Variants in ANO4 observed in about 807,000 individuals in gnomAD.
The protein encoded by ANO4 is anoctamin-4.
ANO4 carries 69 observed loss-of-function variants against 141.9 expected under a neutral mutation model. That is an observed-to-expected ratio of 0.49 (90% CI 0.40 to 0.59). ANO4 has a LOEUF of 0.59. Ranked by LOEUF, ANO4 falls within the 20% of genes least tolerant of loss-of-function variation. The pLI is 0.00. For synonymous variants in ANO4, 350 were observed against 394.3 expected (o/e 0.89, Z 1.33); for missense variants, 894 against 1,162.2 (o/e 0.77, Z 3.36).
chr12:101,074,875 T>C (rs1440129957), intron 14 of ANO4, among the ~76,000 whole-genome samples: 2 of 152,198 alleles, frequency 1.3e-5, no homozygotes, highest in Non-Finnish European at 2.9e-5. Flanking sequence ...CAGCATTTCA[T>C]TTATGCATTT....
chr12:101,094,012 G>A (rs1428455874), intron 17 of ANO4, among the ~76,000 whole-genome samples: 1 of 152,104 alleles, frequency 6.6e-6, no homozygotes, highest in Non-Finnish European at 1.5e-5. Flanking sequence ...AATAAGAAGT[G>A]AGATTTTATA....
chr12:100,819,869 G>A (rs1412087659), intron 1 of ANO4, among the ~76,000 whole-genome samples: 3 of 151,634 alleles, frequency 2.0e-5, no homozygotes, highest in African/African-American at 7.3e-5. Flanking sequence ...TCTCTGTTTT[G>A]CTTACTCCAA....
At chr12:101,127,205 C>A in intron 27 of ANO4, 131 bp downstream of exon 27, 4 of 973,230 alleles carry the variant, frequency 4.1e-6, no homozygotes, top group Non-Finnish European at 5.9e-6. Context: ...CTTCCCAATC[C>A]AAAAGAAGCT....
intron 2 of ANO4, among the ~76,000 whole-genome samples, chr12:100,906,739 T>C (rs1745738070): frequency 6.6e-6 from 1 of 152,124 alleles, no homozygotes; most frequent in African/African-American, 2.4e-5. Context: ...TAGAAGATGA[T>C]GTAGTATAAC....
At chr12:101,071,034 A>G (rs936152894) in intron 14 of ANO4, among the ~76,000 whole-genome samples, 1 of 152,130 alleles carries the variant, frequency 6.6e-6, no homozygotes, top group Non-Finnish European at 1.5e-5. Context: ...TCTGGCAGGG[A>G]TGTGGAGAAG....
At chr12:101,004,477 CAAG>C (rs1454361767) in intron 8 of ANO4, among the ~76,000 whole-genome samples, 4 of 152,140 alleles carry the variant, frequency 2.6e-5, no homozygotes, top group Non-Finnish European at 5.9e-5. Flanking sequence ...GGCAGGCAAA[CAAG>C]AAGGACCAAG....
chr12:100,917,481 A>C (rs1185998368), intron 2 of ANO4, among the ~76,000 whole-genome samples: 1 of 152,224 alleles, frequency 6.6e-6, no homozygotes, highest in Non-Finnish European at 1.5e-5. Context: ...ATGAATAACA[A>C]TAAATAAATA....
chr12:101,125,069 C>T (rs1051479683), intron 26 of ANO4, among the ~76,000 whole-genome samples: 19 of 152,112 alleles, frequency 1.2e-4, no homozygotes, highest in Admixed American at 7.2e-4. Flanking sequence ...GGCAGATGGC[C>T]GTTTTCACAA....
chr12:100,963,165 A>G (rs2043497701), intron 5 of ANO4, among the ~76,000 whole-genome samples: 1 of 152,160 alleles, frequency 6.6e-6, no homozygotes, highest in Admixed American at 6.6e-5. Flanking sequence ...CACAATGACC[A>G]CTGGCTACAC....
At chr12:100,868,107 C>G (rs1460258440) in intron 1 of ANO4, among the ~76,000 whole-genome samples, 1 of 152,170 alleles carries the variant, frequency 6.6e-6, no homozygotes, top group Non-Finnish European at 1.5e-5. Flanking sequence ...CAACTTAAGT[C>G]TAGACCCACA....
chr12:100,970,377 C>T (rs970778316), intron 5 of ANO4, among the ~76,000 whole-genome samples: 4 of 152,140 alleles, frequency 2.6e-5, no homozygotes, highest in African/African-American at 4.8e-5. Context: ...CTCCTTAGTA[C>T]GCCTTAGCCC....
chr12:100,800,936 CTT>C (rs1485905206), intron 1 of ANO4, among the ~76,000 whole-genome samples: 1 of 152,246 alleles, frequency 6.6e-6, no homozygotes, highest in East Asian at 1.9e-4. Context: ...CCTCTTCTCT[CTT>C]CAGACTAAAC....
chr12:100,998,459 A>G (rs1351706271), intron 8 of ANO4, among the ~76,000 whole-genome samples: 1 of 152,082 alleles, frequency 6.6e-6, no homozygotes, highest in African/African-American at 2.4e-5. Context: ...GACTAATACA[A>G]CACCCAAACT....
intron 24 of ANO4, among the ~76,000 whole-genome samples, chr12:101,112,167 C>T (rs981459313): frequency 6.6e-6 from 1 of 152,098 alleles, no homozygotes; most frequent in South Asian, 2.1e-4. Flanking sequence ...ATAGGAAATA[C>T]GGAACTAGGT....
At chr12:101,099,743 CT>C (rs755382227) in intron 22 of ANO4, 23 bp downstream of exon 22, 320 of 1,509,960 alleles carry the variant, frequency 2.1e-4, no homozygotes, top group Middle Eastern at 5.5e-4. Flanking sequence ...TCTACTTTAT[CT>C]TATTAATTAT....
chr12:100,814,154 A>G (rs765481190), intron 1 of ANO4, among the ~76,000 whole-genome samples: 1 of 152,206 alleles, frequency 6.6e-6, no homozygotes, highest in Non-Finnish European at 1.5e-5. Context: ...AAAACGGTAT[A>G]CTATATACTC....
chr12:100,848,186 C>T (rs571756311), intron 1 of ANO4, among the ~76,000 whole-genome samples: 2 of 152,064 alleles, frequency 1.3e-5, no homozygotes, highest in Admixed American at 1.3e-4. Flanking sequence ...AGAGTACTAG[C>T]CTTGATTTAT....
chr12:100,795,075 ACCGTTCGTT>A (rs1424567674), intron 1 of ANO4, 48 bp downstream of exon 1: 1 of 152,514 alleles, frequency 6.6e-6, no homozygotes, highest in African/African-American at 2.4e-5. Context: ...AGTGAACTGA[ACCGTTCGTT>A]CCCCCTCTTC....
At chr12:101,038,642 T>G (rs1029796218) in intron 10 of ANO4, 2 of 152,216 alleles carry the variant, frequency 1.3e-5, no homozygotes, top group Admixed American at 6.5e-5. Context: ...AGGTCAGATA[T>G]TGCTGCTCTT....
Sources: allele counts gnomAD v4.1 joint callset (sites outside exome capture counted in the v4.1 genomes callset), GRCh38; gene constraint gnomAD v4.1.1; transcripts MANE v1.5; gene names NCBI Gene and HGNC (gene_info 2026-07-23, HGNC 2026-07-21).